The following SLC9A9 variants were observed in gnomAD, a reference collection of about 807,000 sequenced individuals.
SLC9A9 encodes the protein sodium/hydrogen exchanger 9.
In SLC9A9, 62 loss-of-function variants were observed where a neutral mutation model predicts 77.8. The ratio of observed to expected loss-of-function variants is 0.80; its 90% CI spans 0.65 to 0.98. The LOEUF is 0.98. Among genes scored for constraint, SLC9A9 ranks in the 50% least tolerant of loss-of-function variants. The pLI is 0.00. For synonymous variants in SLC9A9, 320 were observed against 283.5 expected (o/e 1.13, Z -1.29); for missense variants, 775 against 774.9 (o/e 1.00, Z 0.00).
intron 4 of SLC9A9, among the ~76,000 whole-genome samples, chr3:143,720,742 T>C (rs946840468): frequency 3.9e-5 from 6 of 152,022 alleles, no homozygotes; most frequent in African/African-American, 1.2e-4. Flanking sequence ...GGAGTGCCTG[T>C]AGTCTTCAGC....
intron 4 of SLC9A9, among the ~76,000 whole-genome samples, chr3:143,769,290 G>C (rs2007435237): frequency 6.6e-6 from 1 of 152,134 alleles, no homozygotes; most frequent in Non-Finnish European, 1.5e-5. Context: ...CTGGGACCCT[G>C]CTCTGGGAAA....
chr3:143,574,641 C>T (rs1319562574), intron 7 of SLC9A9, among the ~76,000 whole-genome samples: 1 of 152,120 alleles, frequency 6.6e-6, no homozygotes, highest in Non-Finnish European at 1.5e-5. Context: ...AGTCTTCTCT[C>T]CTGGGGATGG....
At chr3:143,540,917 T>C (rs1402731249) in intron 9 of SLC9A9, among the ~76,000 whole-genome samples, 2 of 152,212 alleles carry the variant, frequency 1.3e-5, no homozygotes, top group Admixed American at 6.5e-5. Context: ...GATGGTTTAC[T>C]AAGAAAATGG....
chr3:143,498,938 A>G (rs2035885192), intron 9 of SLC9A9, among the ~76,000 whole-genome samples: 1 of 152,224 alleles, frequency 6.6e-6, no homozygotes, highest in Non-Finnish European at 1.5e-5. Context: ...TCATACTACT[A>G]TTAATAGACA....
chr3:143,385,459 C>T (rs1442315696), intron 12 of SLC9A9, among the ~76,000 whole-genome samples: 4 of 152,146 alleles, frequency 2.6e-5, no homozygotes, highest in Non-Finnish European at 5.9e-5. Flanking sequence ...ATGCATGGCA[C>T]CTTCACACAG....
At chr3:143,587,737 G>A (rs894004430) in intron 6 of SLC9A9, among the ~76,000 whole-genome samples, 2 of 152,338 alleles carry the variant, frequency 1.3e-5, no homozygotes, top group Non-Finnish European at 2.9e-5. Flanking sequence ...GGAGGAAGGT[G>A]GGTGGGAGAC....
intron 14 of SLC9A9, among the ~76,000 whole-genome samples, chr3:143,301,449 A>T (rs940326323): frequency 1.3e-5 from 2 of 152,202 alleles, no homozygotes; most frequent in Non-Finnish European, 2.9e-5. Flanking sequence ...TTGCAGGATT[A>T]GCCTTTTTCT....
At position 143,530,557 on chromosome 3, in the gene SLC9A9, C is replaced by T. The variant is rs144576721; in HGVS notation, c.1089+21805G>A. Among the ~76,000 whole-genome samples, 438 of 152,166 alleles carry T rather than the reference C, an allele frequency of 2.9e-3. 7 individuals carry two copies. The highest frequency in any genetic ancestry group is 1.3e-3 in the Non-Finnish European group (85 of 67,990). ...TATGTCTTTATCAGCAGCGTGAAAA[C>T]AGACTAATACAGTTAGTAAGGAAAA... is the stretch of plus-strand genomic sequence containing the variant. On this transcript the variant is annotated intron_variant, in intron 9 of 15. Coordinates refer to ENST00000316549, the MANE Select transcript of SLC9A9 (RefSeq NM_173653.4).
At chr3:143,279,964 C>T (rs1216838386) in intron 14 of SLC9A9, among the ~76,000 whole-genome samples, 3 of 152,130 alleles carry the variant, frequency 2.0e-5, no homozygotes, top group African/African-American at 2.4e-5. Context: ...GGACTACAGG[C>T]ATGTGCCATG....
chr3:143,649,693 G>A (rs1466423572), intron 6 of SLC9A9, among the ~76,000 whole-genome samples: 1 of 152,174 alleles, frequency 6.6e-6, no homozygotes, highest in Non-Finnish European at 1.5e-5. Flanking sequence ...AAGCAAGGAG[G>A]TTTGCTGGCA....
intron 6 of SLC9A9, among the ~76,000 whole-genome samples, chr3:143,643,570 T>C (rs1032002324): frequency 6.6e-6 from 1 of 152,212 alleles, no homozygotes; most frequent in Non-Finnish European, 1.5e-5. Context: ...TTCCCACTCT[T>C]GCTGTGATTT....
In SLC9A9 at chr3:143,350,083, G is replaced by A. The variant is rs138966600; in HGVS notation, c.1604+13401C>T. 1.5e-3 allele frequency among the ~76,000 whole-genome samples: 227 copies of A among 152,240 alleles called. 1 individual carries two copies. The highest frequency in any genetic ancestry group is 5.4e-3 in the African/African-American group (223 of 41,552). The stretch of plus-strand genomic sequence containing the variant: ...GTCTCCCCACAAGAGTAGTCTTTCT[G>A]CCTTCCTTGTTTCTTTGACTGGCAT... On this transcript the variant is annotated intron_variant, in intron 14 of 15. Coordinates refer to ENST00000316549, the MANE Select transcript of SLC9A9 (RefSeq NM_173653.4).
At chr3:143,587,010 C>G (rs1209274256) in intron 6 of SLC9A9, among the ~76,000 whole-genome samples, 1 of 152,164 alleles carries the variant, frequency 6.6e-6, no homozygotes, top group Non-Finnish European at 1.5e-5. Context: ...CCTTAAGAAT[C>G]CAAATGTATA....
intron 6 of SLC9A9, among the ~76,000 whole-genome samples, chr3:143,583,303 T>C (rs1282249233): frequency 6.6e-6 from 1 of 152,222 alleles, no homozygotes; most frequent in Non-Finnish European, 1.5e-5. Context: ...CAAAAATAAA[T>C]GTGTGCAGCA....
chr3:143,449,784 T>A (rs2034948056), intron 12 of SLC9A9, among the ~76,000 whole-genome samples: 1 of 88,542 alleles, frequency 1.1e-5, no homozygotes, highest in Non-Finnish European at 1.9e-5. Context: ...TATATTTATA[T>A]ATAATTATAT....
chr3:143,739,097 G>A (rs1183867221), intron 4 of SLC9A9, among the ~76,000 whole-genome samples: 1 of 152,096 alleles, frequency 6.6e-6, no homozygotes, highest in African/African-American at 2.4e-5. Context: ...GGTAAGTGGT[G>A]AAGCTGAAAG....
intron 13 of SLC9A9, among the ~76,000 whole-genome samples, chr3:143,379,160 A>G (rs1460785675): frequency 6.6e-6 from 1 of 152,154 alleles, no homozygotes; most frequent in African/African-American, 2.4e-5. Flanking sequence ...AAGGCTGCCC[A>G]TTACAAAGAT....
intron 9 of SLC9A9, among the ~76,000 whole-genome samples, chr3:143,549,342 T>C (rs1039240094): frequency 2.6e-5 from 4 of 152,118 alleles, no homozygotes; most frequent in African/African-American, 7.2e-5. Flanking sequence ...TAGGCATGCA[T>C]AGATATGCAA....
chr3:143,321,796 T>C (rs905528959), intron 14 of SLC9A9, among the ~76,000 whole-genome samples: 3 of 152,242 alleles, frequency 2.0e-5, no homozygotes, highest in African/African-American at 7.2e-5. Context: ...TTTTTAGCTC[T>C]TTAAGGAAGA....
Sources: gnomAD v4.1 joint callset for allele counts (sites outside exome capture counted in the v4.1 genomes callset) on GRCh38, gnomAD v4.1.1 for gene constraint, MANE v1.5 for transcripts, NCBI Gene and HGNC (gene_info 2026-07-23, HGNC 2026-07-21) for gene names.